The following XRCC4 variants were observed in gnomAD, a reference collection of about 807,000 sequenced individuals.
The protein encoded by XRCC4 is X-ray repair cross complementing 4, also known as DNA repair protein XRCC4.
In XRCC4, 28 loss-of-function variants were observed where a neutral mutation model predicts 39.1. The ratio of observed to expected loss-of-function variants is 0.72; its 90% CI spans 0.53 to 0.98. XRCC4 has a LOEUF of 0.98. Among genes scored for constraint, XRCC4 ranks in the 50% least tolerant of loss-of-function variants. The probability of loss-of-function intolerance (pLI) is 0.00; values close to 1 mark genes in which losing one functional copy is unlikely to be tolerated. For synonymous variants in XRCC4, 123 were observed against 126.4 expected (o/e 0.97, Z 0.18); for missense variants, 350 against 376.4 (o/e 0.93, Z 0.58).
chr5:83,346,315 A>C (rs1756915234), intron 7 of XRCC4, among the ~76,000 whole-genome samples: 1 of 152,198 alleles, frequency 6.6e-6, no homozygotes. Flanking sequence ...AACCTTCCAC[A>C]AATGAAGAAA....
chr5:83,133,926 C>T (rs1437267887), intron 3 of XRCC4, among the ~76,000 whole-genome samples: 5 of 152,188 alleles, frequency 3.3e-5, no homozygotes, highest in Non-Finnish European at 7.3e-5. Flanking sequence ...AGCTGGCTCC[C>T]TCTGCTGGCG....
chr5:83,171,212 C>G (rs1051507134), intron 3 of XRCC4, among the ~76,000 whole-genome samples: 1 of 152,098 alleles, frequency 6.6e-6, no homozygotes, highest in Non-Finnish European at 1.5e-5. Context: ...CAGCACTTGT[C>G]CAGATTTAAG....
At chr5:83,311,959 G>A (rs1447601988) in intron 7 of XRCC4, among the ~76,000 whole-genome samples, 3 of 152,094 alleles carry the variant, frequency 2.0e-5, no homozygotes, top group Non-Finnish European at 4.4e-5. Context: ...AAGAACGCAA[G>A]AAGCCATGCT....
intron 1 of XRCC4, among the ~76,000 whole-genome samples, chr5:83,084,654 G>A (rs1745102233): frequency 6.6e-6 from 1 of 152,130 alleles, no homozygotes; most frequent in Admixed American, 6.5e-5. Context: ...CAGCAGTACC[G>A]AAATTTGCTC....
At chr5:83,277,002 T>C (rs889163735) in intron 7 of XRCC4, among the ~76,000 whole-genome samples, 1 of 152,158 alleles carries the variant, frequency 6.6e-6, no homozygotes, top group African/African-American at 2.4e-5. Flanking sequence ...ATATTTAGTA[T>C]TGGGGGGAAG....
chr5:83,203,427 T>C (rs940667052), intron 4 of XRCC4, 125 bp from the exon 5 acceptor site: 1 of 764,100 alleles, frequency 1.3e-6, no homozygotes, highest in Non-Finnish European at 1.9e-6. Context: ...TCCAAGTCAG[T>C]GAAAGCATAT....
chr5:83,154,290 G>A (rs1439957415), intron 3 of XRCC4, among the ~76,000 whole-genome samples: 1 of 152,182 alleles, frequency 6.6e-6, no homozygotes, highest in Non-Finnish European at 1.5e-5. Context: ...GAAAAAAAAG[G>A]TTGTATTGCC....
chr5:83,217,358 CAA>C (rs59416363), intron 6 of XRCC4, among the ~76,000 whole-genome samples: 9 of 96,160 alleles, frequency 9.4e-5, no homozygotes, highest in African/African-American at 1.4e-4. Context: ...GACTCCGTCT[CAA>C]AAAAAAAAAA....
chr5:83,262,983 T>TCCCTCCCC (rs1382992235), intron 7 of XRCC4, among the ~76,000 whole-genome samples: 2 of 119,392 alleles, frequency 1.7e-5, no homozygotes, highest in Admixed American at 1.8e-4. Flanking sequence ...CCCGATGCTA[T>TCCCTCCCC]CCCTCCCCCC....
chr5:83,192,402 G>T (rs921328274), intron 3 of XRCC4, among the ~76,000 whole-genome samples: 4 of 150,864 alleles, frequency 2.7e-5, no homozygotes, highest in African/African-American at 9.8e-5. Context: ...CTGCCTCTTG[G>T]GTTCAAGCAA....
intron 3 of XRCC4, among the ~76,000 whole-genome samples, chr5:83,178,444 G>A (rs1047982129): frequency 2.6e-5 from 4 of 152,090 alleles, no homozygotes; most frequent in Admixed American, 2.6e-4. Flanking sequence ...CCATCACAGG[G>A]CTGGCACCAA....
chr5:83,200,550 G>A (rs1018195651), intron 4 of XRCC4, among the ~76,000 whole-genome samples: 7 of 151,792 alleles, frequency 4.6e-5, no homozygotes, highest in African/African-American at 1.7e-4. Context: ...CACTTTGAAT[G>A]TGTCATACCA....
intron 6 of XRCC4, among the ~76,000 whole-genome samples, chr5:83,241,848 G>A (rs1245285580): frequency 5.9e-5 from 9 of 151,856 alleles, no homozygotes. Flanking sequence ...AAAATCATAA[G>A]GAAGAGAAAA....
chr5:83,217,765 T>C (rs1004227977), intron 6 of XRCC4, among the ~76,000 whole-genome samples: 1 of 152,102 alleles, frequency 6.6e-6, no homozygotes, highest in Non-Finnish European at 1.5e-5. Flanking sequence ...CTCTAATTCT[T>C]ACATTCAAAT....
intron 3 of XRCC4, among the ~76,000 whole-genome samples, chr5:83,173,451 G>A (rs1196679557): frequency 6.6e-6 from 1 of 152,082 alleles, no homozygotes; most frequent in Non-Finnish European, 1.5e-5. Context: ...ACTACACAGG[G>A]GAAAGGGTGT....
intron 3 of XRCC4, among the ~76,000 whole-genome samples, chr5:83,134,240 G>A (rs933038802): frequency 2.0e-5 from 3 of 152,140 alleles, no homozygotes; most frequent in African/African-American, 4.8e-5. Flanking sequence ...AAAGTCCCGC[G>A]GTGAGTGCCA....
At chr5:83,325,269 A>T (rs866619699) in intron 7 of XRCC4, among the ~76,000 whole-genome samples, 1 of 152,074 alleles carries the variant, frequency 6.6e-6, no homozygotes, top group Non-Finnish European at 1.5e-5. Context: ...GTTATTATTC[A>T]TAATGGAATC....
At chr5:83,374,386 C>A in the XRCC4 span, among the ~76,000 whole-genome samples, 92 of 152,294 alleles carry the variant, frequency 6.0e-4, no homozygotes, top group African/African-American at 2.0e-3. Context: ...CCAGGTGAGA[C>A]GTGCGTTTTG....
At chr5:83,170,309 T>G (rs1458194941) in intron 3 of XRCC4, among the ~76,000 whole-genome samples, 2 of 152,200 alleles carry the variant, frequency 1.3e-5, no homozygotes, top group African/African-American at 2.4e-5. Flanking sequence ...CACCAGTAGT[T>G]ATTTCTCTTT....
Sources: gnomAD v4.1 joint callset for allele counts (sites outside exome capture counted in the v4.1 genomes callset) on GRCh38, gnomAD v4.1.1 for gene constraint, MANE v1.5 for transcripts, NCBI Gene and HGNC (gene_info 2026-07-23, HGNC 2026-07-21) for gene names.